The following LMO1 variants were observed in gnomAD, a reference collection of about 807,000 sequenced individuals.
LMO1 encodes the protein rhombotin-1.
LMO1 carries 10 observed loss-of-function variants against 18.0 expected under a neutral mutation model. The ratio of observed to expected loss-of-function variants is 0.55; its 90% confidence interval spans 0.34 to 0.94. The LOEUF (loss-of-function observed/expected upper bound fraction) is 0.94. Among genes scored for constraint, LMO1 ranks in the 40% least tolerant of loss-of-function variants. The probability of loss-of-function intolerance (pLI) is 0.02; values close to 1 mark genes in which losing one functional copy is unlikely to be tolerated. For synonymous variants in LMO1, 77 were observed against 77.9 expected, an observed-to-expected ratio of 0.99 and a Z score of 0.06; for missense variants, 183 against 205.7, an observed-to-expected ratio of 0.89 and a Z score of 0.68.
chr11:8,239,569 G>A (rs981910783), intron 1 of LMO1, among the ~76,000 whole-genome samples: 1 of 152,094 alleles, frequency 6.6e-6, no homozygotes, highest in Admixed American at 6.5e-5. Context: ...CTGGGCTGGG[G>A]ACTCCAGACC....
At chr11:8,244,965 C>T (rs1177665477) in intron 1 of LMO1, among the ~76,000 whole-genome samples, 1 of 152,234 alleles carries the variant, frequency 6.6e-6, no homozygotes, top group Non-Finnish European at 1.5e-5. Context: ...CAGTACCCTG[C>T]ATCCTCTTCA....
At position 8,263,546 on chromosome 11, in the gene LMO1, A is replaced by G. The variant is rs2134592792; in HGVS notation, c.-184T>C. ...TTCAGGAGTGAAGCACTTCGCAGAT[A>G]CAAAAGCAGTCTCACCTACTTTTGT... is the stretch of plus-strand genomic sequence containing the variant. On this transcript the variant is annotated 5_prime_UTR_variant, in exon 1 of 4. Transcript: ENST00000335790. 7.3e-7 allele frequency: 1 copy of G among 1,364,296 alleles called. No individual in the cohort carries two copies. Among genetic ancestry groups the G allele is most frequent in the Non-Finnish European group, 9.4e-7 (1 of 1,060,728 alleles). 84.5% of individuals were successfully genotyped at this position (1,364,296 alleles called of 1,614,324 possible).
intron 2 of LMO1, among the ~76,000 whole-genome samples, chr11:8,228,180 C>G (rs73415207): frequency 6.6e-6 from 1 of 152,240 alleles, no homozygotes; most frequent in Non-Finnish European, 1.5e-5. Flanking sequence ...AGGCACCCCT[C>G]CTCTTAGCTG....
chr11:8,251,872 AGTGTGTGTGTGTATAGGT>A (rs1847003122), intron 1 of LMO1, among the ~76,000 whole-genome samples: 2 of 29,566 alleles, frequency 6.8e-5, no homozygotes, highest in South Asian at 5.1e-4. Flanking sequence ...AATGTGTGTG[AGTGTGTGTGTGTATAGGT>A]GTGTATGGGA....
intron 1 of LMO1, among the ~76,000 whole-genome samples, chr11:8,240,666 G>C (rs1385820680): frequency 6.6e-6 from 1 of 152,018 alleles, no homozygotes; most frequent in Non-Finnish European, 1.5e-5. Context: ...AGTTCTCTGT[G>C]GTCCCTTTTA....
intron 1 of LMO1, among the ~76,000 whole-genome samples, chr11:8,239,281 C>T (rs1050829807): frequency 1.3e-5 from 2 of 152,122 alleles, no homozygotes; most frequent in Admixed American, 6.5e-5. Flanking sequence ...CGGGCTAAAA[C>T]CAAGAGGAAT....
Position 8,263,478 on chromosome 11 carries a change from C to T in LMO1, c.-116G>A, listed in dbSNP as rs1461034714. ...GCAGCTAGCGGGCTCTAATTACCCG[C>T]TTGTCCGGCTCTTAACCTAGATTGC... On this transcript the variant is annotated 5_prime_UTR_variant, in exon 1 of 4. Transcript: ENST00000335790. 9 of 1,524,722 alleles carry T rather than the reference C, an allele frequency of 5.9e-6. No homozygotes were observed. Among genetic ancestry groups the T allele is most frequent in the South Asian group, 2.5e-5 (2 of 80,632 alleles). 94.4% of individuals were successfully genotyped at this position (1,524,722 alleles called of 1,614,324 possible).
At chr11:8,227,447 G>T (rs1467902257) in intron 2 of LMO1, among the ~76,000 whole-genome samples, 2 of 152,144 alleles carry the variant, frequency 1.3e-5, no homozygotes, top group African/African-American at 4.8e-5. Context: ...GAATTTCAGG[G>T]GCAGACTGAA....
At chr11:8,259,641 G>T (rs990108815) in intron 1 of LMO1, among the ~76,000 whole-genome samples, 1 of 152,194 alleles carries the variant, frequency 6.6e-6, no homozygotes, top group African/African-American at 2.4e-5. Flanking sequence ...AACAGCATCA[G>T]GGCCTGCCTC....
upstream of LMO1, among the ~76,000 whole-genome samples, chr11:8,267,827 G>A (rs564265902): frequency 2.6e-5 from 4 of 152,340 alleles, no homozygotes; most frequent in African/African-American, 9.6e-5. Context: ...AACATGCCAG[G>A]CTGGGTGAAC....
At position 8,254,669 on chromosome 11, in the gene LMO1, C is replaced by A. The variant is rs1226274576; in HGVS notation, c.25+8669G>T. Among the ~76,000 whole-genome samples the A allele has an allele frequency of 3.3e-5, 5 of 151,408 alleles. No homozygotes were observed. In the South Asian group the frequency reaches 8.4e-4, roughly 25 times the overall value. The stretch of plus-strand genomic sequence containing the variant: ...AATGGAGCTGGGCTCCCATGGCAGC[C>A]CCACTCAAACTGCCCACAGCAACCT... On this transcript the variant is annotated intron_variant, in intron 1 of 3. Coordinates refer to ENST00000335790, the MANE Select transcript of LMO1 (RefSeq NM_002315.3).
At chr11:8,235,676 A>AT (rs1952749454) in intron 1 of LMO1, among the ~76,000 whole-genome samples, 4 of 152,218 alleles carry the variant, frequency 2.6e-5, no homozygotes, top group African/African-American at 9.6e-5. Context: ...ATTTTTGAAG[A>AT]GTACAGGCCA....
At chr11:8,240,501 G>T (rs1846765794) in intron 1 of LMO1, among the ~76,000 whole-genome samples, 1 of 152,172 alleles carries the variant, frequency 6.6e-6, no homozygotes, top group African/African-American at 2.4e-5. Context: ...AGACTGGGTG[G>T]CATATAAACA....
chr11:8,226,004 A>G (rs1162614495), intron 3 of LMO1, among the ~76,000 whole-genome samples: 2 of 152,236 alleles, frequency 1.3e-5, no homozygotes, highest in Non-Finnish European at 2.9e-5. Flanking sequence ...GTTGGGGCCA[A>G]GAGACCAGAA....
At chr11:8,268,419 G>A (rs1565191594), upstream of LMO1, 1 of 1,469,364 alleles carries the variant, frequency 6.8e-7, no homozygotes, top group Non-Finnish European at 9.0e-7. Context: ...CGGGCGCCGG[G>A]CACCTACCGT....
At position 8,263,784 on chromosome 11, in the gene LMO1, C is replaced by G. The variant is rs1282093162; in HGVS notation, c.-422G>C. ...GCTTTCAGCCTCATAAAGTGTTTTC[C>G]CCTCGGATTTAATCTGAATCTCAAT... On this transcript the variant is annotated 5_prime_UTR_variant, in exon 1 of 4. Coordinates refer to ENST00000335790, the MANE Select transcript of LMO1 (RefSeq NM_002315.3). The G allele has an allele frequency of 2.9e-5, 31 of 1,073,630 alleles. No homozygotes were observed. Among genetic ancestry groups the G allele is most frequent in the Non-Finnish European group, 3.3e-5 (29 of 885,840 alleles). 66.5% of individuals were successfully genotyped at this position (1,073,630 alleles called of 1,614,324 possible).
At chr11:8,244,445 A>G (rs1846859944) in intron 1 of LMO1, among the ~76,000 whole-genome samples, 1 of 152,188 alleles carries the variant, frequency 6.6e-6, no homozygotes, top group Admixed American at 6.5e-5. Flanking sequence ...CGGAACCCGC[A>G]TGGCGGGCAC....
intron 1 of LMO1, among the ~76,000 whole-genome samples, chr11:8,236,397 G>T (rs1952761066): frequency 1.3e-5 from 2 of 151,342 alleles, no homozygotes; most frequent in Admixed American, 1.3e-4. Context: ...CAGAGACAAG[G>T]TCTCAACTAT....
rs556073723 is a variant in LMO1 at position 8,236,816 on chromosome 11, T to C, written c.26-6312A>G. 7.4e-4 allele frequency among the ~76,000 whole-genome samples: 112 copies of C among 152,346 alleles called. 2 individuals are homozygous for C. The highest frequency in any genetic ancestry group is 2.6e-3 in the African/African-American group (109 of 41,586). ...GGCATACAGTAGGTGCTCAGTAAGT[T>C]GCATGAAAATACATACCCATGCATC... On this transcript the variant is annotated intron_variant, in intron 1 of 3. Transcript: ENST00000335790.
Sources: allele counts gnomAD v4.1 joint callset (sites outside exome capture counted in the v4.1 genomes callset), GRCh38; gene constraint gnomAD v4.1.1; transcripts MANE v1.5; gene names NCBI Gene and HGNC (gene_info 2026-07-23, HGNC 2026-07-21).